ZNF786: variants seen among roughly 807,000 people sequenced by gnomAD.
ZNF786 encodes zinc finger protein 786.
Under a neutral mutation model 63.1 loss-of-function variants are expected in ZNF786, and 56 were observed. The ratio of observed to expected loss-of-function variants is 0.89; its 90% CI spans 0.72 to 1.11. The LOEUF is 1.11. Among genes scored for constraint, ZNF786 ranks in the 50% least tolerant of loss-of-function variants. ZNF786 has a pLI of 0.00. For synonymous variants in ZNF786, 485 were observed against 406.9 expected, an observed-to-expected ratio of 1.19 and a Z score of -2.31; for missense variants, 1,213 against 1,041.8, an observed-to-expected ratio of 1.16 and a Z score of -2.26.
At position 149,071,045 on chromosome 7, in the gene ZNF786, C is replaced by T. The variant is rs376663329; in HGVS notation, c.1727G>A (p.Arg576Lys). The change falls in exon 4 of 4, where the codon AGA (arginine) becomes AAA (lysine). Residue 576 changes from arginine to lysine, a missense_variant. By Grantham distance (26) the Arg-to-Lys change is conservative. Coordinates refer to ENST00000491431, the MANE Select transcript of ZNF786 (RefSeq NM_152411.4). Reference protein sequence around the residue: ...SCGECGKGFTRQSKLTEHLRV... With the variant: ...SCGECGKGFTKQSKLTEHLRV... ...CAAGTGCTCCGTGAGCTTGGATTGT[C>T]TGGTGAAGCCCTTGCCACACTCCCC... is the stretch of plus-strand genomic sequence containing the variant. 9.3e-6 allele frequency: 15 copies of T among 1,609,782 alleles called. No homozygotes were observed. In the African/African-American group the frequency reaches 1.9e-4, roughly 20 times the overall value.
chr7:149,088,936 G>T (rs1418882212), intron 1 of ZNF786, among the ~76,000 whole-genome samples: 2 of 150,178 alleles, frequency 1.3e-5, no homozygotes, highest in South Asian at 2.1e-4. Flanking sequence ...CAACATTTTG[G>T]GATCTGGCCC....
At chr7:149,079,179 A>C (rs1228758939) in intron 2 of ZNF786, among the ~76,000 whole-genome samples, 2 of 152,062 alleles carry the variant, frequency 1.3e-5, no homozygotes, top group African/African-American at 2.4e-5. Flanking sequence ...GAGGCTGAGG[A>C]GGGCGGATCA....
At position 149,071,085 on chromosome 7, in the gene ZNF786, T is replaced by C; in HGVS notation, c.1687A>G (p.Arg563Gly). The C allele has an allele frequency of 6.2e-7, 1 of 1,611,982 alleles. No homozygotes were observed. ...CCACACTCCCCGCACGAGAACGGCC[T>C]CTCCTTGCTGTGCGTGTGCTGGTGG... ...KAHQHTHSKE[R>G]PFSCGECGKG... Residue 563 changes from arginine to glycine, a missense_variant, in exon 4 of 4, where the codon AGG (arginine) becomes GGG (glycine). Coordinates refer to ENST00000491431, the MANE Select transcript of ZNF786 (RefSeq NM_152411.4).
chr7:149,087,993 CT>C (rs11304737), intron 1 of ZNF786, among the ~76,000 whole-genome samples: 68,490 of 126,110 alleles, frequency 0.54, 17,602 homozygotes, highest in East Asian at 0.85. Flanking sequence ...GTTGCCCAGG[CT>C]TTTTTTTTTT....
At chr7:149,081,452 A>T (rs1825652291) in intron 1 of ZNF786, among the ~76,000 whole-genome samples, 2 of 150,206 alleles carry the variant, frequency 1.3e-5, no homozygotes, top group African/African-American at 5.0e-5. Flanking sequence ...AAAAAAAAAA[A>T]AAAAAAAAAA....
At chr7:149,089,731 G>A (rs1239726167) in intron 1 of ZNF786, among the ~76,000 whole-genome samples, 1 of 151,480 alleles carries the variant, frequency 6.6e-6, no homozygotes, top group East Asian at 2.0e-4. Flanking sequence ...TATATTTTTG[G>A]AGACGGAGTT....
At chr7:149,079,940 G>A (rs1205606768) in intron 2 of ZNF786, among the ~76,000 whole-genome samples, 6 of 150,896 alleles carry the variant, frequency 4.0e-5, no homozygotes, top group Admixed American at 1.3e-4. Flanking sequence ...TTGGGAGGCC[G>A]AGGTGGGTGG....
Position 149,070,366 on chromosome 7 carries a change from C to T in ZNF786, c.*57G>A, listed in dbSNP as rs1038786668. 1.9e-6 allele frequency: 3 copies of T among 1,574,890 alleles called. No individual in the cohort carries two copies. The African/African-American group carries it at 4.0e-5, about 21-fold the overall frequency. On this transcript the variant is annotated 3_prime_UTR_variant, in exon 4 of 4. Coordinates refer to ENST00000491431, the MANE Select transcript of ZNF786 (RefSeq NM_152411.4). Reference sequence around the variant, plus strand: ...CTACCAGCGGGTCTGGCTACTGTTGCTGTGGATTCCTGGGCAATACCAATC... The same window carrying T: ...CTACCAGCGGGTCTGGCTACTGTTGTTGTGGATTCCTGGGCAATACCAATC...
rs746737080 is a variant in ZNF786, at chr7:149,071,624, C to A, written c.1148G>T (p.Arg383Met). The A allele has an allele frequency of 1.3e-6, 2 of 1,588,276 alleles. No homozygotes were observed. The highest frequency in any genetic ancestry group is 1.1e-5 in the South Asian group (1 of 88,756). ...ECGERSPMSA[R>M]LASPCRAHTG... is the part of the protein sequence containing the mutation. Reference sequence around the variant, plus strand: ...ATGCGCCCTGCAGGGGCTGGCGAGCCTGGCGCTCATAGGGGAGCGCTCGCC... The same window carrying A: ...ATGCGCCCTGCAGGGGCTGGCGAGCATGGCGCTCATAGGGGAGCGCTCGCC... Residue 383 changes from arginine (R) to methionine (M), a missense_variant, in exon 4 of 4, where the codon AGG becomes ATG. By Grantham distance (91) the Arg-to-Met change is moderately conservative. Transcript: ENST00000491431.
Position 149,074,486 on chromosome 7 carries a change from C to G in ZNF786, c.198G>C (p.Glu66Asp), listed in dbSNP as rs926337235. The change falls in exon 3 of 4, where the codon GAG becomes GAC. Residue 66 changes from glutamate (E) to aspartate (D), a missense_variant. Physicochemically the swap from Glu to Asp is conservative, Grantham distance 45. Transcript: ENST00000491431. Reference sequence around the variant, plus strand: ...GTGATTCTCTCCATTTCCTGAAGGGCTCTCCCCCGTGTTCAATCCAGGATA... The same window carrying G: ...GTGATTCTCTCCATTTCCTGAAGGGGTCTCCCCCGTGTTCAATCCAGGATA... ...ELISWIEHGG[E>D]PFRKWRESQK... 9.9e-6 allele frequency: 16 copies of G among 1,613,930 alleles called. No homozygotes were observed. Among genetic ancestry groups the G allele is most frequent in the Non-Finnish European group, 1.4e-5 (16 of 1,179,870 alleles).
chr7:149,083,974 T>C lies in ZNF786; in HGVS notation c.19-3257A>G, dbSNP rs1585469998. Among the ~76,000 whole-genome samples the C allele has an allele frequency of 3.3e-5, 5 of 152,332 alleles. No homozygotes were observed. The South Asian group carries it at 1.0e-3, about 32-fold the overall frequency. ...GATTCCACATCTTTGCTATTGTGAA[T>C]AGTGCTGCAATGAACATATGCAAAC... On this transcript the variant is annotated intron_variant, in intron 1 of 3. Transcript: ENST00000491431.
chr7:149,073,858 C>A (rs1825492937), intron 3 of ZNF786, among the ~76,000 whole-genome samples: 1 of 147,774 alleles, frequency 6.8e-6, no homozygotes, highest in African/African-American at 2.5e-5. Flanking sequence ...ATAATCTCAG[C>A]TCATTCACTG....
At chr7:149,084,337 G>A (rs952691232) in intron 1 of ZNF786, among the ~76,000 whole-genome samples, 3 of 121,208 alleles carry the variant, frequency 2.5e-5, no homozygotes, top group East Asian at 4.8e-4. Flanking sequence ...GGACAACAGA[G>A]CAAAACTGCA....
intron 1 of ZNF786, among the ~76,000 whole-genome samples, chr7:149,089,196 C>T (rs576967971): frequency 1.9e-4 from 29 of 152,312 alleles, no homozygotes; most frequent in African/African-American, 5.3e-4. Context: ...TCGTGATCCG[C>T]CCGCCTTGGC....
chr7:149,080,018 A>G (rs964732147), intron 2 of ZNF786, among the ~76,000 whole-genome samples: 3 of 151,794 alleles, frequency 2.0e-5, no homozygotes, highest in African/African-American at 4.8e-5. Flanking sequence ...CTAAAAATAC[A>G]AAAATTAGCC....
chr7:149,082,470 AT>A, intron 1 of ZNF786: 3 of 823,766 alleles, frequency 3.6e-6, no homozygotes, highest in Non-Finnish European at 4.4e-6. Context: ...ATATTTGTTA[AT>A]TTAAAACACT....
At chr7:149,078,145 G>A (rs1177722961) in intron 2 of ZNF786, among the ~76,000 whole-genome samples, 1 of 150,902 alleles carries the variant, frequency 6.6e-6, no homozygotes, top group Admixed American at 6.6e-5. Flanking sequence ...TTACAGGCGT[G>A]AGCCACCACA....
chr7:149,079,157 C>T (rs903840871), intron 2 of ZNF786, among the ~76,000 whole-genome samples: 2 of 152,120 alleles, frequency 1.3e-5, no homozygotes, highest in African/African-American at 4.8e-5. Context: ...GCCTGTAATC[C>T]CAGCACTTCG....
intron 2 of ZNF786, among the ~76,000 whole-genome samples, chr7:149,075,209 G>A (rs765785080): frequency 7.2e-5 from 11 of 152,124 alleles, no homozygotes; most frequent in Middle Eastern, 3.4e-3. Context: ...GCAAAAATGC[G>A]GTCAAAAAGG....
Sources: allele counts gnomAD v4.1 joint callset (sites outside exome capture counted in the v4.1 genomes callset), GRCh38; gene constraint gnomAD v4.1.1; transcripts MANE v1.5; gene names NCBI Gene and HGNC (gene_info 2026-07-23, HGNC 2026-07-21).